The following CCSER1 variants were observed in gnomAD, a reference collection of about 807,000 sequenced individuals.
CCSER1 encodes the protein serine-rich coiled-coil domain-containing protein 1.
CCSER1 carries 41 observed loss-of-function variants against 82.0 expected under a neutral mutation model. That is an observed-to-expected ratio of 0.50 (90% CI 0.39 to 0.65). CCSER1 has a LOEUF of 0.65. Among genes scored for constraint, CCSER1 ranks in the 30% least tolerant of loss-of-function variants. The pLI is 0.00. For missense variants in CCSER1, 1,119 were observed against 1,064.2 expected, an observed-to-expected ratio of 1.05 and a Z score of -0.72; for synonymous variants, 414 against 383.9, an observed-to-expected ratio of 1.08 and a Z score of -0.92.
intron 7 of CCSER1, among the ~76,000 whole-genome samples, chr4:90,785,428 T>A (rs1418834916): frequency 6.6e-6 from 1 of 152,182 alleles, no homozygotes; most frequent in African/African-American, 2.4e-5. Flanking sequence ...ATGCTAGATG[T>A]TGTGCAGCTG....
chr4:91,237,383 TTA>T (rs200109064), intron 10 of CCSER1, among the ~76,000 whole-genome samples: 2 of 150,126 alleles, frequency 1.3e-5, no homozygotes, highest in Non-Finnish European at 1.5e-5. Flanking sequence ...AAATTTGCCT[TTA>T]TATATATATA....
chr4:91,089,207 G>A (rs999257665), intron 10 of CCSER1, among the ~76,000 whole-genome samples: 2 of 152,276 alleles, frequency 1.3e-5, no homozygotes, highest in African/African-American at 2.4e-5. Context: ...TATGTGACAG[G>A]GGCTGCAAGC....
intron 7 of CCSER1, among the ~76,000 whole-genome samples, chr4:90,814,129 G>C (rs527959540): frequency 6.6e-6 from 1 of 152,172 alleles, no homozygotes; most frequent in Non-Finnish European, 1.5e-5. Flanking sequence ...CTTGGGGCTT[G>C]TACCCTCTGA....
chr4:91,039,035 T>A lies in CCSER1; in HGVS notation c.2173-46915T>A, dbSNP rs557780148. Among the ~76,000 whole-genome samples, 40 of 152,274 alleles carry A rather than the reference T, an allele frequency of 2.6e-4. No individual in the cohort carries two copies. In the South Asian group the frequency reaches 7.9e-3, roughly 30 times the overall value. On this transcript the variant is annotated intron_variant, in intron 9 of 10. Transcript: ENST00000509176. ...ATCATTTACATATTCCTTTTTTGAA[T>A]TTTTTATCTTTTAAAACAGGGTCTC...
intron 5 of CCSER1, among the ~76,000 whole-genome samples, chr4:90,508,984 T>C (rs921401309): frequency 6.6e-6 from 1 of 152,108 alleles, no homozygotes; most frequent in African/African-American, 2.4e-5. Flanking sequence ...TAGGAAACTT[T>C]GAATTTTAAG....
chr4:91,093,943 A>C (rs1724235206), intron 10 of CCSER1, among the ~76,000 whole-genome samples: 1 of 152,180 alleles, frequency 6.6e-6, no homozygotes, highest in Admixed American at 6.5e-5. Context: ...TTCTGGTTTT[A>C]GGTTTCGGTA....
intron 10 of CCSER1, among the ~76,000 whole-genome samples, chr4:91,346,398 G>A (rs80054901): frequency 6.6e-6 from 1 of 152,180 alleles, no homozygotes; most frequent in Non-Finnish European, 1.5e-5. Flanking sequence ...AGGGTATCTT[G>A]GATGGTTCCG....
In CCSER1 at chr4:90,309,271, A is replaced by C; in HGVS notation, c.987A>C (p.Gln329His). The change falls in exon 2 of 11, where the codon CAA (glutamine) becomes CAC (histidine). Residue 329 changes from glutamine to histidine, a missense_variant. Physicochemically the swap from Gln to His is conservative, Grantham distance 24. Coordinates refer to ENST00000509176, the MANE Select transcript of CCSER1 (RefSeq NM_001145065.2). Reference sequence around the variant, plus strand: ...CTGGGAAATATAGGTTAGAGGGTCAATGTAGCACTGAATCTAATTCATTAC... The same window carrying C: ...CTGGGAAATATAGGTTAGAGGGTCACTGTAGCACTGAATCTAATTCATTAC... ...MSPGKYRLEGQCSTESNSLPE... is the reference protein window; with the variant it reads ...MSPGKYRLEGHCSTESNSLPE... 1.9e-6 allele frequency: 3 copies of C among 1,613,894 alleles called. No individual in the cohort carries two copies. The highest frequency in any genetic ancestry group is 2.5e-6 in the Non-Finnish European group (3 of 1,179,820).
chr4:91,445,681 C>T (rs190213447), intron 10 of CCSER1, among the ~76,000 whole-genome samples: 1 of 152,110 alleles, frequency 6.6e-6, no homozygotes, highest in African/African-American at 2.4e-5. Flanking sequence ...CTATCCATAG[C>T]TTCTCTCTAT....
At chr4:90,473,202 A>T (rs553869866) in intron 5 of CCSER1, among the ~76,000 whole-genome samples, 2 of 152,306 alleles carry the variant, frequency 1.3e-5, no homozygotes, top group African/African-American at 2.4e-5. Context: ...TTTGGATTAT[A>T]TTTTGTATTA....
At chr4:91,428,488 G>T (rs898942547) in intron 10 of CCSER1, among the ~76,000 whole-genome samples, 4 of 151,972 alleles carry the variant, frequency 2.6e-5, no homozygotes, top group African/African-American at 9.7e-5. Flanking sequence ...TAGAATGTTA[G>T]AGTTTAAAAT....
intron 1 of CCSER1, among the ~76,000 whole-genome samples, chr4:90,273,355 T>C (rs1235965279): frequency 2.0e-5 from 3 of 152,030 alleles, no homozygotes; most frequent in African/African-American, 4.8e-5. Context: ...TTAAAGATAA[T>C]TGAAAGAATA....
intron 10 of CCSER1, among the ~76,000 whole-genome samples, chr4:91,101,647 A>G (rs1432042473): frequency 2.1e-5 from 3 of 145,936 alleles, no homozygotes; most frequent in Admixed American, 2.0e-4. Context: ...AAAAAAAAAG[A>G]CCAGGTTGGG....
chr4:90,870,033 T>C (rs948242270), intron 8 of CCSER1, among the ~76,000 whole-genome samples: 6 of 152,012 alleles, frequency 3.9e-5, no homozygotes, highest in African/African-American at 1.4e-4. Context: ...GCACAGATTC[T>C]TGTATGTTGA....
rs770013398 is a variant in CCSER1, at chr4:91,411,491, CATATATATATAT to C, written c.2218-187057_2218-187046del. 2.8e-3 allele frequency among the ~76,000 whole-genome samples: 148 copies of C among 53,792 alleles called. 13 individuals are homozygous for C. Among genetic ancestry groups the C allele is most frequent in the African/African-American group, 8.8e-3 (110 of 12,570 alleles). 35.3% of individuals were successfully genotyped at this position (53,792 alleles called of 152,430 possible). On this transcript the variant is annotated intron_variant, in intron 10 of 10. Coordinates refer to ENST00000509176, the MANE Select transcript of CCSER1 (RefSeq NM_001145065.2). ...TAATCACTAAATTTCTGCATATATA[CATATATATATAT>C]ATATATATATATATATATATATAAA...
At chr4:90,138,351 C>G (rs1196239843) in intron 1 of CCSER1, among the ~76,000 whole-genome samples, 1 of 152,084 alleles carries the variant, frequency 6.6e-6, no homozygotes, top group Admixed American at 6.6e-5. Flanking sequence ...CCCACTACGC[C>G]CAACTAAGAA....
At chr4:90,954,692 A>G (rs1300390982) in intron 9 of CCSER1, among the ~76,000 whole-genome samples, 1 of 152,114 alleles carries the variant, frequency 6.6e-6, no homozygotes, top group Non-Finnish European at 1.5e-5. Context: ...CTCTGTGAAT[A>G]TTTCTCTATA....
rs919365518 is a variant in CCSER1, at chr4:90,967,839, G to T, written c.2172+44392G>T. On this transcript the variant is annotated intron_variant, in intron 9 of 10. Transcript: ENST00000509176. ...ACAAAAGCACTGTTATGAGAACCTGGGAGTCCACTGGAAAAGTGCCAGCAG... is the reference window on the plus strand; with the variant it reads ...ACAAAAGCACTGTTATGAGAACCTGTGAGTCCACTGGAAAAGTGCCAGCAG... 2.6e-5 allele frequency among the ~76,000 whole-genome samples: 4 copies of T among 151,938 alleles called. No individual in the cohort carries two copies. In the East Asian group the frequency reaches 7.7e-4, roughly 29 times the overall value.
At chr4:90,754,311 CAT>C (rs1749161784) in intron 7 of CCSER1, among the ~76,000 whole-genome samples, 1 of 152,106 alleles carries the variant, frequency 6.6e-6, no homozygotes, top group African/African-American at 2.4e-5. Flanking sequence ...TTTATTTTAA[CAT>C]ATACGTTTAT....
Sources: allele counts gnomAD v4.1 joint callset (sites outside exome capture counted in the v4.1 genomes callset), GRCh38; gene constraint gnomAD v4.1.1; transcripts MANE v1.5; gene names NCBI Gene and HGNC (gene_info 2026-07-23, HGNC 2026-07-21).